Variants in CCDC171 observed in about 807,000 individuals in gnomAD.
CCDC171 encodes the protein coiled-coil domain containing 171.
A neutral mutation model predicts 168.2 loss-of-function variants in CCDC171; 177 were observed. The ratio of observed to expected loss-of-function variants is 1.05; its 90% CI spans 0.93 to 1.19. CCDC171 has a LOEUF of 1.19. Among genes scored for constraint, CCDC171 ranks in the 50% most tolerant of loss-of-function variants. CCDC171 has a pLI of 0.00. For missense variants in CCDC171, 1,991 were observed against 1,539.0 expected (o/e 1.29, Z -4.91); for synonymous variants, 687 against 540.8 (o/e 1.27, Z -3.75).
chr9:15,865,893 A>G (rs1340373248), intron 23 of CCDC171, among the ~76,000 whole-genome samples: 1 of 151,702 alleles, frequency 6.6e-6, no homozygotes, highest in East Asian at 2.0e-4. Flanking sequence ...AGTTCTATAT[A>G]GATAGTTATT....
intron 16 of CCDC171, among the ~76,000 whole-genome samples, chr9:15,740,558 C>T (rs1247260618): frequency 6.6e-6 from 1 of 152,020 alleles, no homozygotes; most frequent in Non-Finnish European, 1.5e-5. Flanking sequence ...CGTCAGCTTC[C>T]CAAGTAGCTG....
intron 11 of CCDC171, among the ~76,000 whole-genome samples, chr9:15,703,382 G>T (rs978696801): frequency 2.6e-5 from 4 of 152,156 alleles, no homozygotes. Context: ...GCGAATCCTT[G>T]TTTATATCCA....
intron 7 of CCDC171, among the ~76,000 whole-genome samples, chr9:15,653,060 A>T (rs770926019): frequency 8.5e-5 from 13 of 152,144 alleles, no homozygotes; most frequent in South Asian, 4.1e-4. Context: ...TTAAACTCCC[A>T]CTTCCCATTT....
chr9:15,631,967 A>G (rs897199871), intron 7 of CCDC171, among the ~76,000 whole-genome samples: 1 of 152,230 alleles, frequency 6.6e-6, no homozygotes, highest in Non-Finnish European at 1.5e-5. Context: ...ACAAAATTCA[A>G]CAACCCTTCA....
chr9:15,733,005 T>C (rs920870797), intron 16 of CCDC171, among the ~76,000 whole-genome samples: 5 of 152,146 alleles, frequency 3.3e-5, no homozygotes, highest in Admixed American at 6.5e-5. Context: ...TTTTAGCCAT[T>C]ATAATAGGTG....
intron 23 of CCDC171, among the ~76,000 whole-genome samples, chr9:15,852,480 G>A (rs1022949267): frequency 6.6e-6 from 1 of 151,616 alleles, no homozygotes; most frequent in East Asian, 1.9e-4. Context: ...CTGGATACTA[G>A]AATCTTATTA....
intron 6 of CCDC171, among the ~76,000 whole-genome samples, chr9:15,614,910 A>G (rs1176839271): frequency 1.3e-5 from 2 of 152,206 alleles, no homozygotes; most frequent in Non-Finnish European, 2.9e-5. Context: ...GGATCATTAA[A>G]TAGATTGAGT....
chr9:15,797,848 C>G (rs2058635449), intron 21 of CCDC171, among the ~76,000 whole-genome samples: 1 of 152,066 alleles, frequency 6.6e-6, no homozygotes, highest in South Asian at 2.1e-4. Flanking sequence ...AGTTTATTTT[C>G]TTTCCAAATA....
intron 24 of CCDC171, among the ~76,000 whole-genome samples, chr9:15,914,843 C>T (rs1031722593): frequency 2.0e-5 from 3 of 152,222 alleles, no homozygotes; most frequent in Admixed American, 1.3e-4. Context: ...GTATCTGTGC[C>T]GGATAGCACC....
chr9:15,912,023 C>A (rs140594487), intron 24 of CCDC171, among the ~76,000 whole-genome samples: 1,742 of 152,258 alleles, frequency 0.011, 37 homozygotes, highest in African/African-American at 0.039. Flanking sequence ...ATTGTCTTGG[C>A]TGTACAGGCT....
chr9:15,701,577 A>ATTTTTT (rs71304894), intron 11 of CCDC171, among the ~76,000 whole-genome samples: 1 of 122,104 alleles, frequency 8.2e-6, no homozygotes, highest in Admixed American at 8.9e-5. Context: ...GTACAATTCC[A>ATTTTTT]TTTTTTTTTT....
chr9:16,027,887 G>T (rs1404629970), intron 6 of CCDC171, among the ~76,000 whole-genome samples: 1 of 152,178 alleles, frequency 6.6e-6, no homozygotes, highest in African/African-American at 2.4e-5. Flanking sequence ...CTGAAATCAT[G>T]TCTGTATGGA....
At chr9:15,975,662 TACTTCCCA>T (rs905986595), downstream of CCDC171, among the ~76,000 whole-genome samples, 10 of 152,296 alleles carry the variant, frequency 6.6e-5, no homozygotes, top group African/African-American at 2.2e-4. Context: ...ACCATGCTAT[TACTTCCCA>T]ATGGAAAATA....
At chr9:15,934,865 C>A (rs1256517541) in intron 25 of CCDC171, among the ~76,000 whole-genome samples, 1 of 151,968 alleles carries the variant, frequency 6.6e-6, no homozygotes, top group Non-Finnish European at 1.5e-5. Context: ...AACATGGATG[C>A]ACTGTGAAAT....
chr9:15,560,542 G>A (rs1020981910), intron 1 of CCDC171, among the ~76,000 whole-genome samples: 5 of 151,908 alleles, frequency 3.3e-5, no homozygotes, highest in African/African-American at 1.2e-4. Flanking sequence ...TTGTGCATTC[G>A]TCACATAGTT....
At chr9:15,560,230 A>G (rs1402214532) in intron 1 of CCDC171, among the ~76,000 whole-genome samples, 1 of 151,960 alleles carries the variant, frequency 6.6e-6, no homozygotes, top group Non-Finnish European at 1.5e-5. Context: ...CTTGTGGAGT[A>G]TCTTTGTGGC....
At chr9:15,837,258 A>C (rs908348632) in intron 21 of CCDC171, among the ~76,000 whole-genome samples, 2 of 152,180 alleles carry the variant, frequency 1.3e-5, no homozygotes, top group Non-Finnish European at 2.9e-5. Context: ...TGACATTTTA[A>C]AGCATCACCA....
chr9:15,758,268 C>T (rs531906276), intron 18 of CCDC171, among the ~76,000 whole-genome samples: 209 of 152,294 alleles, frequency 1.4e-3, no homozygotes, highest in African/African-American at 4.8e-3. Context: ...CTTGCATCAG[C>T]ATGACCTGGA....
At chr9:15,684,456 T>G (rs1276528261) in intron 10 of CCDC171, among the ~76,000 whole-genome samples, 1 of 151,978 alleles carries the variant, frequency 6.6e-6, no homozygotes, top group Admixed American at 6.6e-5. Context: ...TTGAGTCAAC[T>G]TTTTCCATAG....
Sources: allele counts gnomAD v4.1 joint callset (sites outside exome capture counted in the v4.1 genomes callset), GRCh38; gene constraint gnomAD v4.1.1; transcripts MANE v1.5; gene names NCBI Gene and HGNC (gene_info 2026-07-23, HGNC 2026-07-21).